LARGE1: variants seen among roughly 807,000 people sequenced by gnomAD.
LARGE1 encodes the protein xylosyl- and glucuronyltransferase LARGE1.
A neutral mutation model predicts 87.6 loss-of-function variants in LARGE1; 43 were observed. The observed-to-expected ratio is 0.49, with a 90% CI of 0.38 to 0.63. The LOEUF is 0.63. LARGE1 is among the 30% of genes least tolerant of loss of function. LARGE1 has a pLI of 0.00. For missense variants in LARGE1, 802 were observed against 1,000.2 expected (o/e 0.80, Z 2.67); for synonymous variants, 434 against 394.6 (o/e 1.10, Z -1.18).
intron 1 of LARGE1, among the ~76,000 whole-genome samples, chr22:33,847,652 C>A (rs2063473283): frequency 6.6e-6 from 1 of 152,212 alleles, no homozygotes; most frequent in South Asian, 2.1e-4. Context: ...ACGCTGTGAA[C>A]TGACCTGTAC....
intron 13 of LARGE1, among the ~76,000 whole-genome samples, chr22:33,281,743 T>C (rs1263542408): frequency 1.3e-5 from 2 of 152,214 alleles, no homozygotes. Flanking sequence ...GGAAGAAGCC[T>C]GGAGTTTGAG....
At chr22:33,892,483 T>G in intron 1 of LARGE1, among the ~76,000 whole-genome samples, 1 of 152,184 alleles carries the variant, frequency 6.6e-6, no homozygotes, top group East Asian at 1.9e-4. Flanking sequence ...ATGGTGAAAC[T>G]TAAAGTCAAA....
At chr22:33,869,808 T>A (rs12485060) in intron 1 of LARGE1, among the ~76,000 whole-genome samples, 1 of 151,892 alleles carries the variant, frequency 6.6e-6, no homozygotes, top group African/African-American at 2.4e-5. Context: ...AGATGGGAAA[T>A]AGAAATTCAA....
chr22:33,768,040 T>G (rs960447755), intron 1 of LARGE1, among the ~76,000 whole-genome samples: 6 of 152,246 alleles, frequency 3.9e-5, no homozygotes, highest in Non-Finnish European at 8.8e-5. Flanking sequence ...CCGGGCGTGG[T>G]GGCTGACGCC....
intron 1 of LARGE1, among the ~76,000 whole-genome samples, chr22:33,874,109 G>A (rs769406608): frequency 4.6e-5 from 7 of 151,894 alleles, no homozygotes; most frequent in Admixed American, 1.3e-4. Context: ...TCCACAGGCC[G>A]CTTTTTGCAT....
At chr22:33,227,636 C>A (rs142696222) in intron 11 of LARGE1, among the ~76,000 whole-genome samples, 1 of 152,152 alleles carries the variant, frequency 6.6e-6, no homozygotes, top group African/African-American at 2.4e-5. Context: ...CAGGATGCTA[C>A]CAAAGATCAT....
chr22:33,393,341 A>T (rs1420926181), intron 7 of LARGE1, among the ~76,000 whole-genome samples: 4 of 152,370 alleles, frequency 2.6e-5, no homozygotes, highest in African/African-American at 9.6e-5. Flanking sequence ...AGTAGTACAT[A>T]AAAGCTTAAT....
chr22:33,122,185 C>A, the LARGE1 span, among the ~76,000 whole-genome samples: 3 of 152,016 alleles, frequency 2.0e-5, no homozygotes, highest in Admixed American at 1.3e-4. Context: ...CTTTTTCATG[C>A]CTTCTATTAA....
chr22:33,384,856 T>G (rs1442432252), intron 7 of LARGE1, among the ~76,000 whole-genome samples: 2 of 148,904 alleles, frequency 1.3e-5, no homozygotes, highest in Non-Finnish European at 3.0e-5. Context: ...TCTCCTGTGT[T>G]TTTCCCCAGA....
chr22:33,659,426 G>C (rs946959066), intron 2 of LARGE1, among the ~76,000 whole-genome samples: 1 of 152,068 alleles, frequency 6.6e-6, no homozygotes, highest in South Asian at 2.1e-4. Flanking sequence ...TTGATCATGA[G>C]ATGTCCACAG....
intron 1 of LARGE1, among the ~76,000 whole-genome samples, chr22:33,821,198 C>A (rs1301769601): frequency 6.6e-6 from 1 of 152,164 alleles, no homozygotes; most frequent in East Asian, 1.9e-4. Context: ...AGAATCCCAG[C>A]TTCACCCACA....
chr22:33,104,889 CTCTTTCTTTCTT>C, the LARGE1 span, among the ~76,000 whole-genome samples: 2,592 of 89,138 alleles, frequency 0.029, 44 homozygotes, highest in African/African-American at 0.034. Flanking sequence ...GACTTTCTCT[CTCTTTCTTTCTT>C]TCTTTCTTTC....
chr22:33,473,011 G>C (rs2068913446), intron 6 of LARGE1, among the ~76,000 whole-genome samples: 1 of 152,200 alleles, frequency 6.6e-6, no homozygotes, highest in Non-Finnish European at 1.5e-5. Context: ...ATCTTGGCTT[G>C]CCTGGGACTG....
At chr22:33,847,783 C>T (rs886311859) in intron 1 of LARGE1, among the ~76,000 whole-genome samples, 1 of 152,342 alleles carries the variant, frequency 6.6e-6, no homozygotes, top group South Asian at 2.1e-4. Flanking sequence ...CCATTTCTCA[C>T]TTTGTGTTGT....
intron 1 of LARGE1, among the ~76,000 whole-genome samples, chr22:33,788,108 T>C (rs62225440): frequency 0.075 from 11,407 of 152,222 alleles, 529 homozygotes; most frequent in Admixed American, 0.11. Context: ...AAATCTTACC[T>C]TGAATTGTAA....
At chr22:33,669,796 C>T (rs1482366976) in intron 2 of LARGE1, among the ~76,000 whole-genome samples, 5 of 152,208 alleles carry the variant, frequency 3.3e-5, no homozygotes, top group Admixed American at 6.5e-5. Context: ...AATATATTTC[C>T]CTCTAAAGGA....
chr22:33,093,700 T>A, the LARGE1 span, among the ~76,000 whole-genome samples: 1 of 152,056 alleles, frequency 6.6e-6, no homozygotes, highest in Non-Finnish European at 1.5e-5. Context: ...GTGGGTCTAC[T>A]CTTAAGACAG....
chr22:33,597,986 C>G (rs2079023440), intron 5 of LARGE1, among the ~76,000 whole-genome samples: 2 of 152,118 alleles, frequency 1.3e-5, no homozygotes, highest in Admixed American at 1.3e-4. Flanking sequence ...CCCTTTCATC[C>G]CCTACAGGAA....
the LARGE1 span, among the ~76,000 whole-genome samples, chr22:33,117,907 G>T: frequency 3.3e-5 from 5 of 152,156 alleles, no homozygotes; most frequent in African/African-American, 7.2e-5. Context: ...TGTGTCCTGA[G>T]AATGTTGACT....
Sources: allele counts gnomAD v4.1 joint callset (sites outside exome capture counted in the v4.1 genomes callset), GRCh38; gene constraint gnomAD v4.1.1; transcripts MANE v1.5; gene names NCBI Gene and HGNC (gene_info 2026-07-23, HGNC 2026-07-21).